Variants in FOXK1 observed in about 807,000 individuals in gnomAD.
FOXK1 encodes forkhead box K1.
A neutral mutation model predicts 51.9 loss-of-function variants in FOXK1; 19 were observed. The observed-to-expected ratio is 0.37, with a 90% confidence interval of 0.26 to 0.54. The LOEUF is 0.54. Among genes scored for constraint, FOXK1 ranks in the 20% least tolerant of loss-of-function variants. The probability of loss-of-function intolerance (pLI) is 0.87; values close to 1 mark genes in which losing one functional copy is unlikely to be tolerated. For missense variants in FOXK1, 870 were observed against 1,032.7 expected, an observed-to-expected ratio of 0.84 and a Z score of 2.16; for synonymous variants, 537 against 482.6, an observed-to-expected ratio of 1.11 and a Z score of -1.48.
intron 1 of FOXK1, among the ~76,000 whole-genome samples, chr7:4,721,589 C>CTTTTTTTTTTTTTTTTT (rs200132324): frequency 1.3e-4 from 15 of 112,648 alleles, no homozygotes; most frequent in African/African-American, 4.7e-4. Context: ...TCTTTTTTTT[C>CTTTTTTTTTTTTTTTTT]TTTTTTTTTT....
In FOXK1 at chr7:4,705,995, TATATATAC is replaced by T. The variant is rs1372420092; in HGVS notation, c.560+23128_560+23135del. Among the ~76,000 whole-genome samples, 58 of 95,046 alleles carry T rather than the reference TATATATAC, an allele frequency of 6.1e-4. 2 individuals are homozygous for T. Among genetic ancestry groups the T allele is most frequent in the East Asian group, 1.9e-3 (9 of 4,862 alleles). The allele number at this position is 95,046 out of a possible 152,430, so 62.4% of individuals were successfully genotyped here. On this transcript the variant is annotated intron_variant, in intron 1 of 8. Transcript: ENST00000328914. The stretch of plus-strand genomic sequence containing the variant: ...ATACGTATATATACGTATATATACG[TATATATAC>T]GTATATATACGTATATATACGTGTA...
Position 4,700,179 on chromosome 7 carries a change from A to G in FOXK1, c.560+17311A>G, listed in dbSNP as rs188264715. 5.0e-3 allele frequency among the ~76,000 whole-genome samples: 763 copies of G among 152,308 alleles called. 8 individuals are homozygous for G. The highest frequency in any genetic ancestry group is 0.017 in the African/African-American group (709 of 41,576). On this transcript the variant is annotated intron_variant, in intron 1 of 8. Transcript: ENST00000328914. ...CCTGTCGTTGTTTGTGGTTATATTT[A>G]TCTGAGACACCTGAGTTTTGTTGGG...
At position 4,755,254 on chromosome 7, in the gene FOXK1, G is replaced by A. The variant is rs145670571; in HGVS notation, c.921G>A (p.Pro307=). The change falls in exon 4 of 9, where the codon CCG becomes CCA. Residue 307 remains proline, a synonymous_variant. Transcript: ENST00000328914. The surrounding 1 kb of genome is among the most constrained non-coding windows in gnomAD (Gnocchi z 6.6). The part of the protein sequence containing the change: ...GDSPKDESKP[P]FSYAQLIVQA... The stretch of plus-strand genomic sequence containing the variant: ...CTCCGCAGGATGAGTCAAAGCCGCC[G>A]TTCTCCTACGCGCAGCTGATCGTGC... The A allele has an allele frequency of 8.5e-4, 1,370 of 1,613,962 alleles. 1 individual carries two copies. Among genetic ancestry groups the A allele is most frequent in the Middle Eastern group, 2.3e-3 (14 of 6,060 alleles).
intron 1 of FOXK1, among the ~76,000 whole-genome samples, chr7:4,739,355 GC>G (rs1780599012): frequency 6.6e-6 from 1 of 152,224 alleles, no homozygotes; most frequent in Admixed American, 6.5e-5. Flanking sequence ...TGCGCAGGCG[GC>G]CAGCGTTCCT....
intron 1 of FOXK1, among the ~76,000 whole-genome samples, chr7:4,699,417 G>A (rs983158369): frequency 1.3e-5 from 2 of 149,796 alleles, no homozygotes; most frequent in Non-Finnish European, 3.0e-5. Flanking sequence ...CACCCAGGCC[G>A]GAGTGCAGTG....
intron 1 of FOXK1, among the ~76,000 whole-genome samples, chr7:4,699,907 A>G (rs548715140): frequency 3.7e-4 from 56 of 152,178 alleles, no homozygotes; most frequent in Admixed American, 7.8e-4. Context: ...TTGTTCCAGT[A>G]TCTTAGATCT....
intron 7 of FOXK1, among the ~76,000 whole-genome samples, chr7:4,760,400 TC>T (rs755666704): frequency 4.4e-4 from 67 of 152,326 alleles, no homozygotes; most frequent in Non-Finnish European, 7.6e-4. Flanking sequence ...ACCCTGGACT[TC>T]CTCTCCGCGG....
chr7:4,740,185 C>G lies in FOXK1; in HGVS notation c.561-653C>G, dbSNP rs1401601567. ...GTGGCTCACGCCTGTAATCCCAGCA[C>G]TTTGGGAGGTCAAGGCAGGCGGATT... is the stretch of plus-strand genomic sequence containing the variant. On this transcript the variant is annotated intron_variant, in intron 1 of 8. Transcript: ENST00000328914. 2.0e-5 allele frequency among the ~76,000 whole-genome samples: 3 copies of G among 152,130 alleles called. No individual in the cohort carries two copies. In the East Asian group the frequency reaches 5.8e-4, roughly 29 times the overall value.
rs758137194 is a variant in FOXK1, at chr7:4,761,101, C to T, written c.1734C>T (p.Ile578=). ...AACCCACCATTGCGTTTGCCACAAT[C>T]CCCGCGGCTGGTGGAGTCATCCAGA... is the stretch of plus-strand genomic sequence containing the variant. The part of the protein sequence containing the change: ...EEKPTIAFAT[I]PAAGGVIQTV... Residue 578 remains isoleucine, a synonymous_variant, in exon 8 of 9, where the codon ATC becomes ATT. Coordinates refer to ENST00000328914, the MANE Select transcript of FOXK1 (RefSeq NM_001037165.2). The surrounding 1 kb of genome is among the most constrained non-coding windows in gnomAD (Gnocchi z 6.2). 5.2e-5 allele frequency: 84 copies of T among 1,613,074 alleles called. No homozygotes were observed. The highest frequency in any genetic ancestry group is 6.7e-5 in the Non-Finnish European group (79 of 1,179,994).
rs192821100 is a variant in FOXK1, at chr7:4,762,221, G to A, written c.1959G>A (p.Ala653=). The change falls in exon 9 of 9, where the codon GCG becomes GCA. Residue 653 remains alanine, a synonymous_variant. Transcript: ENST00000328914. This position sits in a 1 kb window ranked among gnomAD's most constrained non-coding sequence, Gnocchi z 5.7. The stretch of plus-strand genomic sequence containing the variant: ...CTTTGCAGCTCCTTGCGACCCAAGC[G>A]AGTTCATCCGCGCCGGTGGTGGTCA... ...TSPLQLLATQ[A]SSSAPVVVTR... 47 of 1,555,456 alleles carry A rather than the reference G, an allele frequency of 3.0e-5. No individual in the cohort carries two copies. The highest frequency in any genetic ancestry group is 3.8e-5 in the Admixed American group (2 of 52,216).
At chr7:4,732,378 C>T (rs531847049) in intron 1 of FOXK1, among the ~76,000 whole-genome samples, 21 of 152,226 alleles carry the variant, frequency 1.4e-4, no homozygotes, top group African/African-American at 3.4e-4. Context: ...CTGCGGCCTC[C>T]GCTGCCCAGG....
At chr7:4,751,020 T>C (rs1309622575) in intron 2 of FOXK1, among the ~76,000 whole-genome samples, 5 of 138,456 alleles carry the variant, frequency 3.6e-5, no homozygotes, top group African/African-American at 1.4e-4. Flanking sequence ...CACTTTTTTT[T>C]TTTTTTTTTT....
intron 1 of FOXK1, among the ~76,000 whole-genome samples, chr7:4,716,928 G>C (rs1356510964): frequency 6.6e-6 from 1 of 152,202 alleles, no homozygotes; most frequent in Non-Finnish European, 1.5e-5. Flanking sequence ...CCCAGGTGAA[G>C]GGCAAGTTGT....
chr7:4,755,389 G>T lies in FOXK1; in HGVS notation c.1050+6G>T. 2 of 1,613,370 alleles carry T rather than the reference G, an allele frequency of 1.2e-6. No individual in the cohort carries two copies. Among genetic ancestry groups the T allele is most frequent in the South Asian group, 2.2e-5 (2 of 91,084 alleles). ...CGGCCGACAAAGGCTGGCAGGTGAA[G>T]CCGAGTCCCCAGGGCCGGATCGCCT... On this transcript the variant is annotated splice_donor_region_variant and intron_variant, in intron 4 of 8. Transcript: ENST00000328914. This position sits in a 1 kb window ranked among gnomAD's most constrained non-coding sequence, Gnocchi z 6.6.
rs1018822349 is a variant in FOXK1 at position 4,753,086 on chromosome 7, G to A, written c.747-1373G>A. Reference sequence around the variant, plus strand: ...TATCTCTGCCATATTTGGGGAGTCCGTTGTAAGAGAGAATGGGAATTCCAG... The same window carrying A: ...TATCTCTGCCATATTTGGGGAGTCCATTGTAAGAGAGAATGGGAATTCCAG... On this transcript the variant is annotated intron_variant, in intron 2 of 8. Transcript: ENST00000328914. This position sits in a 1 kb window ranked among gnomAD's most constrained non-coding sequence, Gnocchi z 4.9. Among the ~76,000 whole-genome samples, 2 of 152,214 alleles carry A rather than the reference G, an allele frequency of 1.3e-5. No homozygotes were observed. The highest frequency in any genetic ancestry group is 1.9e-4 in the East Asian group (1 of 5,200).
chr7:4,743,718 C>G lies in FOXK1; in HGVS notation c.746+2695C>G, dbSNP rs1439419891. The stretch of plus-strand genomic sequence containing the variant: ...TAGTGGAAGCTCACACCAGAAGAGG[C>G]TGGTCCTGCTGCTTTTGGGGCGGGT... On this transcript the variant is annotated intron_variant, in intron 2 of 8. Coordinates refer to ENST00000328914, the MANE Select transcript of FOXK1 (RefSeq NM_001037165.2). This position sits in a 1 kb window ranked among gnomAD's most constrained non-coding sequence, Gnocchi z 5.3. Among the ~76,000 whole-genome samples the G allele has an allele frequency of 6.6e-6, 1 of 152,190 alleles. No homozygotes were observed. The highest frequency in any genetic ancestry group is 1.5e-5 in the Non-Finnish European group (1 of 68,026).
rs753975099 is a variant in FOXK1, at chr7:4,740,980, C to T, written c.703C>T (p.Arg235Trp). The change falls in exon 2 of 9, where the codon CGG becomes TGG. Residue 235 changes from arginine (R) to tryptophan (W), a missense_variant. By Grantham distance (101) the Arg-to-Trp change is moderately radical. Transcript: ENST00000328914. ...LKIHIPEPDL[R>W]SMVSPVPSPT... is the part of the protein sequence containing the mutation. Reference sequence around the variant, plus strand: ...GATCCACATCCCGGAGCCGGACCTCCGGAGCATGGTCAGCCCCGTCCCCTC... The same window carrying T: ...GATCCACATCCCGGAGCCGGACCTCTGGAGCATGGTCAGCCCCGTCCCCTC... The T allele has an allele frequency of 9.6e-6, 15 of 1,561,204 alleles. No individual in the cohort carries two copies. The highest frequency in any genetic ancestry group is 5.1e-5 in the East Asian group (2 of 38,982).
At chr7:4,689,887 G>C (rs1779870457) in intron 1 of FOXK1, among the ~76,000 whole-genome samples, 1 of 152,124 alleles carries the variant, frequency 6.6e-6, no homozygotes, top group South Asian at 2.1e-4. Context: ...CGCCTGGGTG[G>C]GTCACGCTTG....
intron 1 of FOXK1, among the ~76,000 whole-genome samples, chr7:4,694,096 AG>A (rs1183687596): frequency 6.6e-6 from 1 of 152,138 alleles, no homozygotes; most frequent in Non-Finnish European, 1.5e-5. Context: ...TATGTTGCCC[AG>A]GCTGGTCTTG....
Sources: gnomAD v4.1 joint callset for allele counts (sites outside exome capture counted in the v4.1 genomes callset) on GRCh38, gnomAD v4.1.1 for gene constraint, Gnocchi (gnomAD v3.1) non-coding constraint, MANE v1.5 for transcripts, NCBI Gene and HGNC (gene_info 2026-07-23, HGNC 2026-07-21) for gene names.